Variants in RAPGEF5 observed in about 807,000 individuals in gnomAD.
The protein encoded by RAPGEF5 is Rap guanine nucleotide exchange factor 5.
RAPGEF5 carries 65 observed loss-of-function variants against 125.2 expected under a neutral mutation model. That is an observed-to-expected ratio of 0.52 (90% CI 0.43 to 0.64). The LOEUF (loss-of-function observed/expected upper bound fraction) is 0.64, where lower values mean the gene tolerates loss of function less well. Among genes scored for constraint, RAPGEF5 ranks in the 30% least tolerant of loss-of-function variants. The probability of loss-of-function intolerance (pLI) is 0.00; values close to 1 mark genes in which losing one functional copy is unlikely to be tolerated. For missense variants in RAPGEF5, 958 were observed against 1,048.1 expected (o/e 0.91, Z 1.19); for synonymous variants, 391 against 385.9 (o/e 1.01, Z -0.16).
Position 22,284,088 on chromosome 7 carries a change from T to TGCGC in RAPGEF5, c.747+7083_747+7086dup, listed in dbSNP as rs145005530. On this transcript the variant is annotated intron_variant, in intron 6 of 25. Coordinates refer to ENST00000665637, the MANE Select transcript of RAPGEF5 (RefSeq NM_012294.5). Reference sequence around the variant, plus strand: ...AAAGCTGTGTGTGTGTGTGTGTGTGTGCGCGTGCATGTGGCAACCTGTATA... The same window carrying TGCGC: ...AAAGCTGTGTGTGTGTGTGTGTGTGTGCGCGCGCGTGCATGTGGCAACCTGTATA... Among the ~76,000 whole-genome samples the TGCGC allele has an allele frequency of 4.5e-4, 68 of 151,450 alleles. 1 individual carries two copies. In the East Asian group the frequency reaches 8.4e-3, roughly 19 times the overall value.
At chr7:22,216,757 T>C (rs1021161389) in intron 9 of RAPGEF5, among the ~76,000 whole-genome samples, 20 of 152,162 alleles carry the variant, frequency 1.3e-4, no homozygotes, top group African/African-American at 4.6e-4. Flanking sequence ...AGCTAGTTAA[T>C]AGAAAATAGA....
intron 11 of RAPGEF5, among the ~76,000 whole-genome samples, chr7:22,189,232 C>G (rs1429198270): frequency 1.3e-5 from 2 of 151,738 alleles, no homozygotes; most frequent in African/African-American, 4.8e-5. Context: ...TGGGAAATAA[C>G]ATATTTCCTA....
chr7:22,304,303 T>G (rs1562519303), intron 5 of RAPGEF5, among the ~76,000 whole-genome samples: 1 of 152,224 alleles, frequency 6.6e-6, no homozygotes, highest in Non-Finnish European at 1.5e-5. Flanking sequence ...TTTTGCTGTA[T>G]GAGTCAGTTA....
intron 5 of RAPGEF5, among the ~76,000 whole-genome samples, chr7:22,302,842 T>C (rs982733251): frequency 6.9e-6 from 1 of 145,732 alleles, no homozygotes; most frequent in Admixed American, 6.9e-5. Context: ...TCAGATCACT[T>C]AGAGAAAAAC....
chr7:22,251,799 A>AAAAAAAAT (rs1562489273), intron 7 of RAPGEF5, among the ~76,000 whole-genome samples: 12 of 149,686 alleles, frequency 8.0e-5, no homozygotes, highest in Non-Finnish European at 1.6e-4. Flanking sequence ...AAAAAAAAAA[A>AAAAAAAAT]GTGGAGGTGC....
intron 3 of RAPGEF5, among the ~76,000 whole-genome samples, chr7:22,313,957 A>C (rs1783533148): frequency 6.6e-6 from 1 of 152,148 alleles, no homozygotes. Flanking sequence ...ATGAATCCCT[A>C]ATGGGAGGAA....
chr7:22,352,916 T>C (rs956429248), intron 1 of RAPGEF5, among the ~76,000 whole-genome samples: 1 of 152,200 alleles, frequency 6.6e-6, no homozygotes, highest in African/African-American at 2.4e-5. Flanking sequence ...CGATCTGTGA[T>C]ACTAAAATCA....
chr7:22,156,920 AATAC>A, intron 15 of RAPGEF5, 32 bp from the exon 16 acceptor site: 1 of 1,613,610 alleles, frequency 6.2e-7, no homozygotes, highest in Non-Finnish European at 8.5e-7. Context: ...ACAATGAATG[AATAC>A]ATTCCTGCCC....
intron 5 of RAPGEF5, among the ~76,000 whole-genome samples, chr7:22,303,325 A>C (rs1328991723): frequency 1.3e-5 from 2 of 152,106 alleles, no homozygotes; most frequent in African/African-American, 2.4e-5. Context: ...TGATTCAGTC[A>C]CTTTTTTTTT....
intron 7 of RAPGEF5, among the ~76,000 whole-genome samples, chr7:22,252,750 T>A (rs1453297907): frequency 2.0e-5 from 3 of 152,220 alleles, no homozygotes; most frequent in African/African-American, 7.2e-5. Context: ...GGACTTTTTT[T>A]AAAGGCAATT....
rs1414922517 is a variant in RAPGEF5, at chr7:22,121,930, T to C, written c.*476A>G. 6.3e-6 allele frequency: 1 copy of C among 158,814 alleles called. No individual in the cohort carries two copies. Among genetic ancestry groups the C allele is most frequent in the Admixed American group, 6.0e-5 (1 of 16,610 alleles). 9.8% of individuals were successfully genotyped at this position (158,814 alleles called of 1,614,324 possible). A position where few individuals can be genotyped will look rare whatever the true frequency, so the allele number is the denominator to read the frequency against. Reference sequence around the variant, plus strand: ...AACAGAAACCTCTCCTCCCTGGAGATCTAGAGATGCTGTCTCTGTCATCAG... The same window carrying C: ...AACAGAAACCTCTCCTCCCTGGAGACCTAGAGATGCTGTCTCTGTCATCAG... On this transcript the variant is annotated 3_prime_UTR_variant, in exon 26 of 26. Transcript: ENST00000665637.
At chr7:22,317,242 CT>C (rs67830846) in intron 2 of RAPGEF5, among the ~76,000 whole-genome samples, 25,214 of 133,922 alleles carry the variant, frequency 0.19, 1,954 homozygotes, top group Non-Finnish European at 0.22. Flanking sequence ...CTTTTTTTTT[CT>C]TTTTTTTTTT....
Position 22,212,268 on chromosome 7 carries a change from C to T in RAPGEF5, c.996+7598G>A, listed in dbSNP as rs183932571. Among the ~76,000 whole-genome samples, 442 of 152,264 alleles carry T rather than the reference C, an allele frequency of 2.9e-3. 1 individual carries two copies. The highest frequency in any genetic ancestry group is 8.6e-3 in the African/African-American group (356 of 41,552). Reference sequence around the variant, plus strand: ...GATTACAGGCGTGAGCCACCACACCCGGCCTCACATGTGTTCTTTCCTCTG... The same window carrying T: ...GATTACAGGCGTGAGCCACCACACCTGGCCTCACATGTGTTCTTTCCTCTG... On this transcript the variant is annotated intron_variant, in intron 9 of 25. Transcript: ENST00000665637.
intron 7 of RAPGEF5, among the ~76,000 whole-genome samples, chr7:22,243,628 T>C (rs1238724621): frequency 6.6e-6 from 1 of 152,134 alleles, no homozygotes; most frequent in East Asian, 1.9e-4. Context: ...AATTGACAAA[T>C]AAGAGTTGTA....
rs564290773 is a variant in RAPGEF5, at chr7:22,151,361, A to G, written c.1787-857T>C. On this transcript the variant is annotated intron_variant, in intron 17 of 25. Transcript: ENST00000665637. ...TTTAAAGTTTTTGATACAAACTACC[A>G]AATTGTTTTCTGATTTTTATTTTTT... is the stretch of plus-strand genomic sequence containing the variant. 5.3e-5 allele frequency among the ~76,000 whole-genome samples: 8 copies of G among 152,292 alleles called. No individual in the cohort carries two copies. The South Asian group carries it at 1.7e-3, about 32-fold the overall frequency.
chr7:22,339,978 G>T (rs1411018826), intron 1 of RAPGEF5, among the ~76,000 whole-genome samples: 3 of 152,152 alleles, frequency 2.0e-5, no homozygotes, highest in Admixed American at 2.0e-4. Flanking sequence ...TTCTTCTTAT[G>T]GGAAGTGGGG....
intron 7 of RAPGEF5, among the ~76,000 whole-genome samples, chr7:22,252,636 T>G (rs914096514): frequency 6.6e-6 from 1 of 152,232 alleles, no homozygotes; most frequent in South Asian, 2.1e-4. Flanking sequence ...CTCCTGCTCA[T>G]CAGGAGAAAT....
At chr7:22,287,493 C>A (rs1340748653) in intron 6 of RAPGEF5, among the ~76,000 whole-genome samples, 1 of 152,006 alleles carries the variant, frequency 6.6e-6, no homozygotes, top group Non-Finnish European at 1.5e-5. Flanking sequence ...GCAAAAATAC[C>A]ACATTTGAAT....
At chr7:22,237,309 C>T (rs1786215648) in intron 7 of RAPGEF5, among the ~76,000 whole-genome samples, 1 of 151,274 alleles carries the variant, frequency 6.6e-6, no homozygotes, top group South Asian at 2.1e-4. Flanking sequence ...TTTCATATTC[C>T]CAGTGAAACT....
Sources: gnomAD v4.1 joint callset for allele counts (sites outside exome capture counted in the v4.1 genomes callset) on GRCh38, gnomAD v4.1.1 for gene constraint, MANE v1.5 for transcripts, NCBI Gene and HGNC (gene_info 2026-07-23, HGNC 2026-07-21) for gene names.